The following DYNC1I1 variants were observed in gnomAD, a reference collection of about 807,000 sequenced individuals.
The protein encoded by DYNC1I1 is dynein cytoplasmic 1 intermediate chain 1.
DYNC1I1 carries 43 observed loss-of-function variants against 86.6 expected under a neutral mutation model. That is an observed-to-expected ratio of 0.50 (90% CI 0.39 to 0.64). The LOEUF (loss-of-function observed/expected upper bound fraction) is 0.64, where lower values mean the gene tolerates loss of function less well. Among genes scored for constraint, DYNC1I1 ranks in the 30% least tolerant of loss-of-function variants. The pLI, the probability that DYNC1I1 is intolerant of heterozygous loss-of-function variation, is 0.00. For synonymous variants in DYNC1I1, 262 were observed against 283.7 expected (o/e 0.92, Z 0.77); for missense variants, 604 against 788.8 (o/e 0.77, Z 2.81).
intron 13 of DYNC1I1, among the ~76,000 whole-genome samples, chr7:96,035,990 A>C (rs1013085213): frequency 2.0e-5 from 3 of 152,184 alleles, no homozygotes; most frequent in Admixed American, 2.0e-4. Context: ...GCCTATCATA[A>C]CAGACCACTT....
intron 7 of DYNC1I1, among the ~76,000 whole-genome samples, chr7:95,981,342 G>A (rs1793454013): frequency 6.6e-6 from 1 of 152,040 alleles, no homozygotes; most frequent in African/African-American, 2.4e-5. Context: ...ATACAATCAT[G>A]CTTGAAAGAT....
chr7:95,875,372 C>T (rs796158165), intron 6 of DYNC1I1, among the ~76,000 whole-genome samples: 4 of 152,304 alleles, frequency 2.6e-5, no homozygotes, highest in African/African-American at 9.6e-5. Context: ...ATTTACTCAC[C>T]TTATAAATCA....
intron 6 of DYNC1I1, among the ~76,000 whole-genome samples, chr7:95,965,646 C>A (rs545507195): frequency 6.6e-6 from 1 of 152,150 alleles, no homozygotes; most frequent in African/African-American, 2.4e-5. Flanking sequence ...AGGATTTGAA[C>A]TCGAGCAATA....
chr7:96,064,042 C>T (rs1562991057), intron 14 of DYNC1I1, among the ~76,000 whole-genome samples: 2 of 152,184 alleles, frequency 1.3e-5, no homozygotes, highest in East Asian at 3.9e-4. Flanking sequence ...ATGCAGAGAC[C>T]GTTGATCACC....
intron 16 of DYNC1I1, among the ~76,000 whole-genome samples, chr7:96,106,584 T>C (rs1027175640): frequency 5.3e-5 from 8 of 151,508 alleles, no homozygotes; most frequent in African/African-American, 1.7e-4. Flanking sequence ...GTACTGCTTT[T>C]ACTATATTCC....
At chr7:95,907,774 G>GTT (rs36104830) in intron 6 of DYNC1I1, among the ~76,000 whole-genome samples, 8 of 139,284 alleles carry the variant, frequency 5.7e-5, no homozygotes, top group Admixed American at 1.4e-4. Flanking sequence ...TCAATCAACT[G>GTT]TTTTTTTTTT....
chr7:95,954,066 A>G (rs1792632739), intron 6 of DYNC1I1, among the ~76,000 whole-genome samples: 1 of 152,056 alleles, frequency 6.6e-6, no homozygotes, highest in Admixed American at 6.6e-5. Flanking sequence ...GAAAGAAAAC[A>G]TGAACTCCAA....
At chr7:95,930,258 A>G (rs1396646691) in intron 6 of DYNC1I1, among the ~76,000 whole-genome samples, 1 of 152,250 alleles carries the variant, frequency 6.6e-6, no homozygotes, top group Non-Finnish European at 1.5e-5. Context: ...CTACAAATAT[A>G]TAGCTAAATG....
At chr7:95,800,874 G>A (rs982772923) in intron 1 of DYNC1I1, among the ~76,000 whole-genome samples, 6 of 152,242 alleles carry the variant, frequency 3.9e-5, no homozygotes, top group African/African-American at 1.4e-4. Flanking sequence ...TATAACTCAT[G>A]TCCCTCATGT....
At chr7:95,997,583 T>TTGTGTGTGTG (rs34117329) in intron 10 of DYNC1I1, among the ~76,000 whole-genome samples, 5,558 of 142,682 alleles carry the variant, frequency 0.039, 125 homozygotes, top group African/African-American at 0.054. Context: ...AAGGGCATTC[T>TTGTGTGTGTG]TGTGTGTGTG....
chr7:95,855,981 C>T (rs899230084), intron 5 of DYNC1I1, among the ~76,000 whole-genome samples: 3 of 152,106 alleles, frequency 2.0e-5, no homozygotes, highest in Non-Finnish European at 4.4e-5. Context: ...TTCCTTTCTT[C>T]AATAGTAAAT....
chr7:96,034,598 T>G (rs1562979602), intron 12 of DYNC1I1, among the ~76,000 whole-genome samples: 1 of 152,202 alleles, frequency 6.6e-6, no homozygotes, highest in East Asian at 1.9e-4. Flanking sequence ...ATTTTAGTGA[T>G]GAAGCAGATC....
chr7:95,943,809 C>T (rs1792311696), intron 6 of DYNC1I1, among the ~76,000 whole-genome samples: 1 of 151,314 alleles, frequency 6.6e-6, no homozygotes, highest in Admixed American at 6.6e-5. Flanking sequence ...GCTGAGAAAA[C>T]TGGCTAGCCA....
chr7:95,887,232 G>A (rs151123928), intron 6 of DYNC1I1, among the ~76,000 whole-genome samples: 110 of 152,156 alleles, frequency 7.2e-4, no homozygotes, highest in African/African-American at 2.6e-3. Flanking sequence ...GATGATCTGG[G>A]GTAGGGTCTT....
intron 4 of DYNC1I1, among the ~76,000 whole-genome samples, chr7:95,822,584 A>C (rs1293676101): frequency 6.6e-6 from 1 of 152,162 alleles, no homozygotes; most frequent in Non-Finnish European, 1.5e-5. Flanking sequence ...GGGACCATAG[A>C]ACCGTAACAG....
intron 14 of DYNC1I1, among the ~76,000 whole-genome samples, chr7:96,039,934 G>A (rs1271296212): frequency 6.6e-6 from 1 of 152,018 alleles, no homozygotes; most frequent in Non-Finnish European, 1.5e-5. Context: ...CCTATGTTAT[G>A]TTTTTAAAGG....
chr7:95,828,889 G>A (rs1584258565), intron 5 of DYNC1I1, among the ~76,000 whole-genome samples: 1 of 152,096 alleles, frequency 6.6e-6, no homozygotes, highest in Non-Finnish European at 1.5e-5. Context: ...ATCAAGCTCA[G>A]GAGAGCTGAT....
At chr7:95,981,927 T>G (rs942422514) in intron 7 of DYNC1I1, among the ~76,000 whole-genome samples, 1 of 152,166 alleles carries the variant, frequency 6.6e-6, no homozygotes, top group African/African-American at 2.4e-5. Flanking sequence ...GGCATCTATC[T>G]TGGAGTAAAA....
intron 7 of DYNC1I1, among the ~76,000 whole-genome samples, chr7:95,980,273 T>G (rs1035003469): frequency 7.2e-5 from 11 of 152,082 alleles, no homozygotes; most frequent in Non-Finnish European, 1.6e-4. Context: ...ACATAATGGG[T>G]TAAAAGGATG....
Sources: allele counts gnomAD v4.1 joint callset (sites outside exome capture counted in the v4.1 genomes callset), GRCh38; gene constraint gnomAD v4.1.1; transcripts MANE v1.5; gene names NCBI Gene and HGNC (gene_info 2026-07-23, HGNC 2026-07-21).